CUL1: variants seen among roughly 807,000 people sequenced by gnomAD.
CUL1 encodes cullin-1.
Under a neutral mutation model 118.0 loss-of-function variants are expected in CUL1, and 24 were observed. The ratio of observed to expected loss-of-function variants is 0.20; its 90% CI spans 0.15 to 0.29. The LOEUF is 0.29. Among genes scored for constraint, CUL1 ranks in the 10% least tolerant of loss-of-function variants. The probability of loss-of-function intolerance (pLI) is 1.00; values close to 1 mark genes in which losing one functional copy is unlikely to be tolerated. For missense variants in CUL1, 361 were observed against 933.8 expected (o/e 0.39, Z 7.99); for synonymous variants, 332 against 340.4 (o/e 0.98, Z 0.27).
chr7:148,716,173 TA>T (rs1296701168), intron 1 of CUL1, among the ~76,000 whole-genome samples: 1 of 152,226 alleles, frequency 6.6e-6, no homozygotes, highest in Admixed American at 6.5e-5. Flanking sequence ...TTGCTTTTTT[TA>T]ATCATAAAAA....
rs1249514016 is a variant in CUL1 at position 148,778,084 on chromosome 7, AAAAAAAAAAAAAAG to A, written c.1084-5696_1084-5683del. 1.3e-4 allele frequency among the ~76,000 whole-genome samples: 19 copies of A among 141,192 alleles called. No homozygotes were observed. In the East Asian group the frequency reaches 1.4e-3, roughly 11 times the overall value. The allele number at this position is 141,192 out of a possible 152,430, so 92.6% of individuals were successfully genotyped here. A position where few individuals can be genotyped will look rare whatever the true frequency, so the allele number is the denominator to read the frequency against. ...AGACCCTGTCTCAAAAAAAAAAAAA[AAAAAAAAAAAAAAG>A]AAGAAGAAGAAGAATGAGGAAAGAG... On this transcript the variant is annotated intron_variant, in intron 9 of 21. Transcript: ENST00000325222.
At chr7:148,703,276 A>C (rs772462210) in intron 1 of CUL1, among the ~76,000 whole-genome samples, 1 of 152,148 alleles carries the variant, frequency 6.6e-6, no homozygotes, top group Non-Finnish European at 1.5e-5. Flanking sequence ...ACATTGTGGG[A>C]GAGTAATTGG....
intron 1 of CUL1, among the ~76,000 whole-genome samples, chr7:148,714,237 T>A (rs1294969108): frequency 1.3e-5 from 2 of 152,254 alleles, no homozygotes; most frequent in Non-Finnish European, 2.9e-5. Flanking sequence ...ATATGTACGC[T>A]GCACATCATG....
In CUL1 at chr7:148,792,734, A is replaced by G; in HGVS notation, c.1815A>G (p.Thr605=). The G allele has an allele frequency of 6.2e-7, 1 of 1,611,386 alleles. No homozygotes were observed. Among genetic ancestry groups the G allele is most frequent in the South Asian group, 1.1e-5 (1 of 90,106 alleles). ...FKNRYTLQAS[T]FQMAILLQYN... ...TATGGGGGGCCGCAAAGGCGTCGAC[A>G]TTCCAGATGGCTATCCTGCTTCAGT... Residue 605 remains threonine, a synonymous_variant, in exon 17 of 22, where the codon ACA becomes ACG. Transcript: ENST00000325222.
At chr7:148,798,524 C>T (rs1400033193) in intron 19 of CUL1, 48 bp from the exon 20 acceptor site, 11 of 1,415,964 alleles carry the variant, frequency 7.8e-6, no homozygotes, top group Non-Finnish European at 1.1e-5. Context: ...GCCTTCACTG[C>T]CTACCTTTTA....
intron 2 of CUL1, among the ~76,000 whole-genome samples, chr7:148,733,147 A>G (rs773918493): frequency 9.2e-5 from 14 of 152,156 alleles, no homozygotes; most frequent in Non-Finnish European, 1.6e-4. Flanking sequence ...TTGCCTTTAG[A>G]CACTCTATGT....
At chr7:148,781,565 A>G (rs1584813261) in intron 9 of CUL1, among the ~76,000 whole-genome samples, 2 of 152,214 alleles carry the variant, frequency 1.3e-5, no homozygotes, top group South Asian at 4.1e-4. Context: ...TATTTTTCCA[A>G]ATTACAAATC....
intron 2 of CUL1, among the ~76,000 whole-genome samples, chr7:148,734,321 C>T (rs573015946): frequency 2.8e-4 from 42 of 152,318 alleles, no homozygotes; most frequent in Non-Finnish European, 1.2e-4. Context: ...GTTCATGGCT[C>T]TCTACAGCCT....
chr7:148,766,884 C>T (rs1800023898), intron 8 of CUL1, among the ~76,000 whole-genome samples, 161 bp downstream of exon 8: 1 of 152,190 alleles, frequency 6.6e-6, no homozygotes, highest in African/African-American at 2.4e-5. Flanking sequence ...CAGACTTCTG[C>T]AGAGCATTTT....
chr7:148,758,318 G>C (rs983508842), intron 4 of CUL1, among the ~76,000 whole-genome samples: 1 of 152,210 alleles, frequency 6.6e-6, no homozygotes, highest in African/African-American at 2.4e-5. Context: ...ATCCAAGAAT[G>C]TTGCTATAAT....
At chr7:148,716,863 A>G (rs182694837) in intron 1 of CUL1, among the ~76,000 whole-genome samples, 2 of 152,280 alleles carry the variant, frequency 1.3e-5, no homozygotes, top group East Asian at 1.9e-4. Flanking sequence ...TGCAGTGACA[A>G]AACTTGAATT....
At chr7:148,794,149 C>G (rs1237778445) in intron 17 of CUL1, among the ~76,000 whole-genome samples, 5 of 151,392 alleles carry the variant, frequency 3.3e-5, no homozygotes, top group African/African-American at 9.7e-5. Flanking sequence ...TATACTAGAT[C>G]CTTATCAAAT....
At position 148,792,746 on chromosome 7, in the gene CUL1, T is replaced by A; in HGVS notation, c.1827T>A (p.Ala609=). 1 of 1,612,566 alleles carries A rather than the reference T, an allele frequency of 6.2e-7. No homozygotes were observed. The highest frequency in any genetic ancestry group is 2.2e-5 in the East Asian group (1 of 44,852). Residue 609 remains alanine (A), a synonymous_variant, in exon 17 of 22, where the codon GCT becomes GCA. Coordinates refer to ENST00000325222, the MANE Select transcript of CUL1 (RefSeq NM_003592.3). ...CAAAGGCGTCGACATTCCAGATGGCTATCCTGCTTCAGTACAACACGGAAG... is the reference window on the plus strand; with the variant it reads ...CAAAGGCGTCGACATTCCAGATGGCAATCCTGCTTCAGTACAACACGGAAG... ...YTLQASTFQM[A]ILLQYNTEDA... is the part of the protein sequence containing the mutation.
chr7:148,714,558 T>C (rs1466842609), intron 1 of CUL1, among the ~76,000 whole-genome samples: 1 of 152,220 alleles, frequency 6.6e-6, no homozygotes, highest in African/African-American at 2.4e-5. Flanking sequence ...ATTGGCCTTA[T>C]AGAAAGAACC....
At chr7:148,713,005 C>T (rs1313070513) in intron 1 of CUL1, among the ~76,000 whole-genome samples, 1 of 152,162 alleles carries the variant, frequency 6.6e-6, no homozygotes, top group Non-Finnish European at 1.5e-5. Flanking sequence ...ATTCTATGAG[C>T]TCTTTTTCTT....
At chr7:148,737,914 T>C (rs919847826) in intron 2 of CUL1, among the ~76,000 whole-genome samples, 1 of 152,132 alleles carries the variant, frequency 6.6e-6, no homozygotes, top group Non-Finnish European at 1.5e-5. Flanking sequence ...GTACTGTATT[T>C]TTAATAAAAC....
Position 148,779,724 on chromosome 7 carries a change from T to C in CUL1, c.1084-4059T>C, listed in dbSNP as rs541314287. Among the ~76,000 whole-genome samples the C allele has an allele frequency of 3.3e-5, 5 of 152,324 alleles. No individual in the cohort carries two copies. In the East Asian group the frequency reaches 9.6e-4, roughly 29 times the overall value. On this transcript the variant is annotated intron_variant, in intron 9 of 21. Transcript: ENST00000325222. ...AGTGGGTGAAAAGGAAGAAGAGTTG[T>C]TACAAGTTGTGATGATTAATATTGA...
intron 1 of CUL1, among the ~76,000 whole-genome samples, chr7:148,719,870 A>G (rs1295783294): frequency 1.3e-5 from 2 of 152,200 alleles, no homozygotes; most frequent in African/African-American, 2.4e-5. Context: ...TGTCAAATGC[A>G]GGAGTAACTC....
At chr7:148,795,304 G>T (rs1183755824) in intron 17 of CUL1, among the ~76,000 whole-genome samples, 2 of 151,838 alleles carry the variant, frequency 1.3e-5, no homozygotes, top group South Asian at 2.1e-4. Context: ...GCTAATTTTT[G>T]TATTTTTTGT....
Sources: allele counts gnomAD v4.1 joint callset (sites outside exome capture counted in the v4.1 genomes callset), GRCh38; gene constraint gnomAD v4.1.1; transcripts MANE v1.5; gene names NCBI Gene and HGNC (gene_info 2026-07-23, HGNC 2026-07-21).